The following NUDT4 variants were observed in gnomAD, a reference collection of about 807,000 sequenced individuals.
NUDT4 encodes the protein nudix hydrolase 4.
NUDT4 carries 5 observed loss-of-function variants against 23.1 expected under a neutral mutation model. The observed-to-expected ratio is 0.22, with a 90% CI of 0.11 to 0.46. The LOEUF (loss-of-function observed/expected upper bound fraction) is 0.46. Ranked by LOEUF, NUDT4 falls within the 20% of genes least tolerant of loss-of-function variation. The probability of loss-of-function intolerance (pLI) is 0.99; values close to 1 mark genes in which losing one functional copy is unlikely to be tolerated. For missense variants in NUDT4, 96 were observed against 211.6 expected (o/e 0.45, Z 3.39); for synonymous variants, 50 against 79.0 (o/e 0.63, Z 1.95).
chr12:93,379,763 GAACAAGTC>G (rs1481468017), intron 1 of NUDT4, among the ~76,000 whole-genome samples: 1 of 152,158 alleles, frequency 6.6e-6, no homozygotes, highest in Non-Finnish European at 1.5e-5. Flanking sequence ...TTTACAAAAT[GAACAAGTC>G]AACAAGCATT....
chr12:93,399,727 G>C lies in NUDT4; in HGVS notation c.*348G>C. ...TATTTTGTCATCAGATTACTTGTGG[G>C]TATACCTACCCCAAAATTGTTTTCT... On this transcript the variant is annotated 3_prime_UTR_variant, in exon 5 of 5. Transcript: ENST00000415493. The C allele has an allele frequency of 6.2e-6, 1 of 161,108 alleles. No homozygotes were observed. The highest frequency in any genetic ancestry group is 1.3e-5 in the Non-Finnish European group (1 of 75,168). 10.0% of individuals were successfully genotyped at this position (161,108 alleles called of 1,614,324 possible).
At position 93,403,027 on chromosome 12, in the gene NUDT4, CTTTAATT is replaced by C. The variant is rs1202445286; in HGVS notation, c.*3652_*3658del. ...GAGTATAAGAATTCTCTATAGGACT[CTTTAATT>C]TTTTTTTTTTTTTGGTAGAGATGGG... is the stretch of plus-strand genomic sequence containing the variant. On this transcript the variant is annotated 3_prime_UTR_variant, in exon 5 of 5. Coordinates refer to ENST00000415493, the MANE Select transcript of NUDT4 (RefSeq NM_019094.6). 115 of 99,648 alleles carry C rather than the reference CTTTAATT, an allele frequency of 1.2e-3. No homozygotes were observed. The highest frequency in any genetic ancestry group is 4.7e-3 in the African/African-American group (103 of 21,718). The allele number at this position is 99,648 out of a possible 1,614,324, so 6.2% of individuals were successfully genotyped here. A position where few individuals can be genotyped will look rare whatever the true frequency, so the allele number is the denominator to read the frequency against.
chr12:93,399,090 CATTT>C (rs1877156089), intron 4 of NUDT4, 83 bp from the exon 5 acceptor site: 1 of 928,736 alleles, frequency 1.1e-6, no homozygotes. Context: ...TTGTCTAAGT[CATTT>C]ATCGGGGAGT....
rs1555193891 is a variant in NUDT4, at chr12:93,392,251, C to CA, written c.100-2358_100-2357insA. On this transcript the variant is annotated intron_variant, in intron 1 of 4. Coordinates refer to ENST00000415493, the MANE Select transcript of NUDT4 (RefSeq NM_019094.6). Reference sequence around the variant, plus strand: ...ACAAATATTCCTTTGTTTCCCCCCCCCCCTTTTTTTTTTCCTTTTTTTGAG... The same window carrying CA: ...ACAAATATTCCTTTGTTTCCCCCCCCACCCTTTTTTTTTTCCTTTTTTTGAG... 2.9e-5 allele frequency among the ~76,000 whole-genome samples: 4 copies of CA among 139,244 alleles called. No individual in the cohort carries two copies. In the East Asian group the frequency reaches 9.7e-4, roughly 34 times the overall value. 91.3% of individuals were successfully genotyped at this position (139,244 alleles called of 152,430 possible).
chr12:93,391,564 CAA>C (rs35273143), intron 1 of NUDT4, among the ~76,000 whole-genome samples: 50 of 116,198 alleles, frequency 4.3e-4, no homozygotes, highest in East Asian at 9.8e-4. Context: ...GACTCCATTT[CAA>C]AAAAAAAAAA....
rs1282613329 is a variant in NUDT4, at chr12:93,405,321, G to C, written c.*5942G>C. ...GCAGTCATATGGTAAGATGGATCAG[G>C]AGTCTTTAAAAATAAAACTGAGAAA... On this transcript the variant is annotated 3_prime_UTR_variant, in exon 5 of 5. Coordinates refer to ENST00000415493, the MANE Select transcript of NUDT4 (RefSeq NM_019094.6). The C allele has an allele frequency of 6.7e-6, 1 of 149,620 alleles. No homozygotes were observed. The highest frequency in any genetic ancestry group is 1.5e-5 in the Non-Finnish European group (1 of 66,630). 9.3% of individuals were successfully genotyped at this position (149,620 alleles called of 1,614,324 possible).
chr12:93,388,974 A>G (rs979609174), intron 1 of NUDT4, among the ~76,000 whole-genome samples: 5 of 152,232 alleles, frequency 3.3e-5, no homozygotes, highest in Admixed American at 2.6e-4. Context: ...TAATTGGCAG[A>G]TCAAGGGCCC....
In NUDT4 at chr12:93,394,397, CATGTTA is replaced by C. The variant is rs145882827; in HGVS notation, c.100-203_100-198del. ...AGATAAGGTGATTTGGTAGTGTGAC[CATGTTA>C]ATGTTAATTCTGATTTCAGAAAGAT... On this transcript the variant is annotated intron_variant, in intron 1 of 4. Coordinates refer to ENST00000415493, the MANE Select transcript of NUDT4 (RefSeq NM_019094.6). 5.3e-3 allele frequency among the ~76,000 whole-genome samples: 806 copies of C among 152,284 alleles called. 4 individuals carry two copies. Among genetic ancestry groups the C allele is most frequent in the African/African-American group, 0.019 (771 of 41,550 alleles).
intron 1 of NUDT4, among the ~76,000 whole-genome samples, chr12:93,382,811 G>A (rs1442136506): frequency 2.0e-5 from 3 of 151,586 alleles, no homozygotes; most frequent in Non-Finnish European, 4.4e-5. Flanking sequence ...ACAGGCAGCC[G>A]CCACCATACC....
At position 93,400,533 on chromosome 12, in the gene NUDT4, A is replaced by G. The variant is rs1185500290; in HGVS notation, c.*1154A>G. ...CCCATCTAAAACACATAGGTACCTT[A>G]TCTGAAACTCTTGCACTTCCCCAAC... On this transcript the variant is annotated 3_prime_UTR_variant, in exon 5 of 5. Coordinates refer to ENST00000415493, the MANE Select transcript of NUDT4 (RefSeq NM_019094.6). 1.3e-5 allele frequency: 2 copies of G among 152,264 alleles called. No homozygotes were observed. The highest frequency in any genetic ancestry group is 4.8e-5 in the African/African-American group (2 of 41,488). 9.4% of individuals were successfully genotyped at this position (152,264 alleles called of 1,614,324 possible).
intron 1 of NUDT4, among the ~76,000 whole-genome samples, chr12:93,389,208 C>T (rs1413350626): frequency 1.3e-5 from 2 of 152,090 alleles, no homozygotes; most frequent in Non-Finnish European, 2.9e-5. Context: ...TGTGGTGGCT[C>T]ATGCCTGTAA....
At chr12:93,395,418 A>G in intron 2 of NUDT4, 71 bp from the exon 3 acceptor site, 1 of 1,054,636 alleles carries the variant, frequency 9.5e-7, no homozygotes, top group Non-Finnish European at 1.5e-6. Context: ...AAATAGCCAG[A>G]GTGTAACTTG....
Position 93,403,534 on chromosome 12 carries a change from T to C in NUDT4, c.*4155T>C, listed in dbSNP as rs1250434834. On this transcript the variant is annotated 3_prime_UTR_variant, in exon 5 of 5. Transcript: ENST00000415493. Reference sequence around the variant, plus strand: ...CGGGGTTTCACCATATTGGCCAGGCTGGTCTCAAACTCCTGACCTCGTGAT... The same window carrying C: ...CGGGGTTTCACCATATTGGCCAGGCCGGTCTCAAACTCCTGACCTCGTGAT... 1 of 152,254 alleles carries C rather than the reference T, an allele frequency of 6.6e-6. No individual in the cohort carries two copies. The highest frequency in any genetic ancestry group is 1.5e-5 in the Non-Finnish European group (1 of 68,074). The allele number at this position is 152,254 out of a possible 1,614,324, so 9.4% of individuals were successfully genotyped here.
At chr12:93,379,505 TAC>T (rs1361177664) in intron 1 of NUDT4, among the ~76,000 whole-genome samples, 6 of 152,254 alleles carry the variant, frequency 3.9e-5, no homozygotes, top group African/African-American at 9.6e-5. Flanking sequence ...TGACACAGAA[TAC>T]ACTCAGTGGC....
Position 93,404,193 on chromosome 12 carries a change from A to AT in NUDT4, c.*4814_*4815insT, listed in dbSNP as rs1877668225. ...CCTTAAGAAACATGCCTATTGACGA[A>AT]GTAAATATACTAGGAATTCAACGTA... On this transcript the variant is annotated 3_prime_UTR_variant, in exon 5 of 5. Transcript: ENST00000415493. 1 of 152,242 alleles carries AT rather than the reference A, an allele frequency of 6.6e-6. No individual in the cohort carries two copies. The highest frequency in any genetic ancestry group is 2.4e-5 in the African/African-American group (1 of 41,460). The allele number at this position is 152,242 out of a possible 1,614,324, so 9.4% of individuals were successfully genotyped here. A position where few individuals can be genotyped will look rare whatever the true frequency, so the allele number is the denominator to read the frequency against.
intron 1 of NUDT4, among the ~76,000 whole-genome samples, chr12:93,380,638 T>A (rs987148915): frequency 6.6e-6 from 1 of 152,230 alleles, no homozygotes; most frequent in Admixed American, 6.5e-5. Flanking sequence ...TTTTAACATC[T>A]GGTTTAGCTC....
intron 1 of NUDT4, among the ~76,000 whole-genome samples, chr12:93,393,991 G>A (rs1179429589): frequency 6.6e-6 from 1 of 152,046 alleles, no homozygotes; most frequent in African/African-American, 2.4e-5. Flanking sequence ...TACAACTCTG[G>A]CTAATAAGCC....
chr12:93,379,857 A>G (rs1314168980), intron 1 of NUDT4, among the ~76,000 whole-genome samples: 1 of 152,246 alleles, frequency 6.6e-6, no homozygotes, highest in Non-Finnish European at 1.5e-5. Context: ...CTTTAAATAT[A>G]AAAGAAATGA....
chr12:93,397,300 CTAAT>C (rs762219859), intron 3 of NUDT4, among the ~76,000 whole-genome samples: 1 of 152,122 alleles, frequency 6.6e-6, no homozygotes, highest in Non-Finnish European at 1.5e-5. Context: ...ACAGTTGCCT[CTAAT>C]TTATTGTTGT....
Sources: allele counts gnomAD v4.1 joint callset (sites outside exome capture counted in the v4.1 genomes callset), GRCh38; gene constraint gnomAD v4.1.1; transcripts MANE v1.5; gene names NCBI Gene and HGNC (gene_info 2026-07-23, HGNC 2026-07-21).